Variants in TMEM132C observed in about 807,000 individuals in gnomAD.
TMEM132C encodes protein phosphatase 1, regulatory subunit 152.
TMEM132C carries 29 observed loss-of-function variants against 61.4 expected under a neutral mutation model. That is an observed-to-expected ratio of 0.47 (90% confidence interval 0.35 to 0.64). TMEM132C has a LOEUF of 0.64. Among genes scored for constraint, TMEM132C ranks in the 30% least tolerant of loss-of-function variants. TMEM132C has a pLI of 0.00. For missense variants in TMEM132C, 1,408 were observed against 1,476.9 expected, an observed-to-expected ratio of 0.95 and a Z score of 0.76; for synonymous variants, 656 against 633.1, an observed-to-expected ratio of 1.04 and a Z score of -0.54.
At chr12:128,421,684 A>G (rs188568449) in intron 2 of TMEM132C, among the ~76,000 whole-genome samples, 123 of 152,366 alleles carry the variant, frequency 8.1e-4, no homozygotes, top group African/African-American at 2.9e-3. Context: ...TCGCTTTATA[A>G]TCAAATTAGT....
At chr12:128,625,537 G>A (rs186925979) in intron 4 of TMEM132C, among the ~76,000 whole-genome samples, 6 of 152,332 alleles carry the variant, frequency 3.9e-5, no homozygotes, top group East Asian at 1.9e-4. Flanking sequence ...GCAAGGAGGA[G>A]CAAGTCACAT....
At chr12:128,555,672 G>A (rs1310874076) in intron 3 of TMEM132C, among the ~76,000 whole-genome samples, 1 of 150,948 alleles carries the variant, frequency 6.6e-6, no homozygotes, top group African/African-American at 2.4e-5. Flanking sequence ...AACGTTGACT[G>A]TTAAAGCCCA....
At chr12:128,304,211 T>G (rs1871684796) in intron 1 of TMEM132C, among the ~76,000 whole-genome samples, 2 of 151,946 alleles carry the variant, frequency 1.3e-5, no homozygotes, top group Non-Finnish European at 2.9e-5. Context: ...TGAGACATCT[T>G]ATTTTTTTCT....
intron 1 of TMEM132C, among the ~76,000 whole-genome samples, chr12:128,330,714 C>T (rs1298042493): frequency 2.0e-5 from 3 of 152,138 alleles, no homozygotes; most frequent in African/African-American, 4.8e-5. Flanking sequence ...CCTGTCATCA[C>T]TTATATCTCA....
Position 128,521,378 on chromosome 12 carries a change from A to G in TMEM132C, c.975-22579A>G, listed in dbSNP as rs560848917. On this transcript the variant is annotated intron_variant, in intron 2 of 8. Transcript: ENST00000435159. ...TTTAAGTTCTAGGTATACATGTGTCACGTTGGTTTGCTGCACCCATCAACT... is the reference window on the plus strand; with the variant it reads ...TTTAAGTTCTAGGTATACATGTGTCGCGTTGGTTTGCTGCACCCATCAACT... 7.9e-5 allele frequency among the ~76,000 whole-genome samples: 12 copies of G among 151,490 alleles called. No homozygotes were observed. The South Asian group carries it at 2.5e-3, about 32-fold the overall frequency.
chr12:128,420,542 C>T (rs1868951897), intron 2 of TMEM132C, among the ~76,000 whole-genome samples: 1 of 152,092 alleles, frequency 6.6e-6, no homozygotes. Flanking sequence ...GACTTTTGTT[C>T]CAGGTGAGAT....
At chr12:128,583,261 G>T (rs1164066492) in intron 3 of TMEM132C, among the ~76,000 whole-genome samples, 1 of 151,324 alleles carries the variant, frequency 6.6e-6, no homozygotes, top group Admixed American at 6.6e-5. Context: ...AGATGCACTT[G>T]TGTGCCAACA....
chr12:128,567,264 C>A (rs1429351880), intron 3 of TMEM132C, among the ~76,000 whole-genome samples: 2 of 152,130 alleles, frequency 1.3e-5, no homozygotes, highest in African/African-American at 4.8e-5. Flanking sequence ...AGTGCCAACC[C>A]AAACTCAATT....
At chr12:128,438,433 T>G (rs1331883780) in intron 2 of TMEM132C, among the ~76,000 whole-genome samples, 1 of 152,150 alleles carries the variant, frequency 6.6e-6, no homozygotes, top group Non-Finnish European at 1.5e-5. Context: ...CCTCTTCACC[T>G]TCCACATGCG....
At chr12:128,633,842 C>T (rs1489420) in intron 4 of TMEM132C, among the ~76,000 whole-genome samples, 4,981 of 151,876 alleles carry the variant, frequency 0.033, 255 homozygotes, top group African/African-American at 0.11. Context: ...TATGTTATAC[C>T]CCACCACCAA....
chr12:128,455,987 C>G (rs1381592386), intron 2 of TMEM132C, among the ~76,000 whole-genome samples: 1 of 152,194 alleles, frequency 6.6e-6, no homozygotes, highest in African/African-American at 2.4e-5. Flanking sequence ...TGGAAGCTCA[C>G]GTTTCTACTA....
At chr12:128,614,128 C>T (rs552227504) in intron 3 of TMEM132C, among the ~76,000 whole-genome samples, 1 of 152,216 alleles carries the variant, frequency 6.6e-6, no homozygotes, top group Non-Finnish European at 1.5e-5. Flanking sequence ...CTTCCATGCT[C>T]TTCCTTCTTG....
At chr12:128,295,882 C>T (rs1871399284) in intron 1 of TMEM132C, among the ~76,000 whole-genome samples, 1 of 152,094 alleles carries the variant, frequency 6.6e-6, no homozygotes, top group Non-Finnish European at 1.5e-5. Flanking sequence ...TCTCTCTGCT[C>T]TGTCATTTCT....
rs369822222 is a variant in TMEM132C at position 128,678,288 on chromosome 12, G to A, written c.1449+8728G>A. 8.5e-5 allele frequency among the ~76,000 whole-genome samples: 13 copies of A among 152,258 alleles called. 2 individuals are homozygous for A. The highest frequency in any genetic ancestry group is 1.9e-4 in the East Asian group (1 of 5,168). ...GAAATTCCTGGAATCCAGAAGTCCCGGACTCCAAGCCAAGCTGGGTGACAT... is the reference window on the plus strand; with the variant it reads ...GAAATTCCTGGAATCCAGAAGTCCCAGACTCCAAGCCAAGCTGGGTGACAT... On this transcript the variant is annotated intron_variant, in intron 5 of 8. Transcript: ENST00000435159.
chr12:128,382,643 A>G (rs1357399166), intron 1 of TMEM132C, among the ~76,000 whole-genome samples: 1 of 152,194 alleles, frequency 6.6e-6, no homozygotes, highest in African/African-American at 2.4e-5. Flanking sequence ...AATAATAATG[A>G]TTCAGTAATA....
At chr12:128,403,018 T>TTTTAAAGGAGAGCTTG in intron 1 of TMEM132C, among the ~76,000 whole-genome samples, 1 of 152,318 alleles carries the variant, frequency 6.6e-6, no homozygotes, top group Admixed American at 6.5e-5. Context: ...GTACCTGCTC[T>TTTTAAAGGAGAGCTTG]TTTAAAGGAG....
chr12:128,409,980 C>G (rs761293784), intron 1 of TMEM132C, among the ~76,000 whole-genome samples: 1 of 151,960 alleles, frequency 6.6e-6, no homozygotes, highest in Non-Finnish European at 1.5e-5. Context: ...AAGAATCTAA[C>G]GAATTTAGGA....
intron 1 of TMEM132C, among the ~76,000 whole-genome samples, chr12:128,301,791 A>G (rs1190838695): frequency 6.6e-6 from 1 of 152,190 alleles, no homozygotes; most frequent in South Asian, 2.1e-4. Flanking sequence ...TGATAAAGAC[A>G]TAGCTGAGAC....
intron 2 of TMEM132C, among the ~76,000 whole-genome samples, chr12:128,522,804 G>A (rs971805853): frequency 6.6e-6 from 1 of 152,082 alleles, no homozygotes; most frequent in Non-Finnish European, 1.5e-5. Flanking sequence ...GGTGTCCTTG[G>A]TATTAAATAG....
Sources: gnomAD v4.1 joint callset for allele counts (sites outside exome capture counted in the v4.1 genomes callset) on GRCh38, gnomAD v4.1.1 for gene constraint, MANE v1.5 for transcripts, NCBI Gene and HGNC (gene_info 2026-07-23, HGNC 2026-07-21) for gene names.